The following GRID1 variants were observed in gnomAD, a reference collection of about 807,000 sequenced individuals.
GRID1 encodes glutamate receptor ionotropic, delta-1.
A neutral mutation model predicts 98.0 loss-of-function variants in GRID1; 28 were observed. That is an observed-to-expected ratio of 0.29 (90% CI 0.21 to 0.39). The LOEUF (loss-of-function observed/expected upper bound fraction) is 0.39, where lower values mean the gene tolerates loss of function less well. Among genes scored for constraint, GRID1 ranks in the 10% least tolerant of loss-of-function variants. The pLI, the probability that GRID1 is intolerant of heterozygous loss-of-function variation, is 1.00. For missense variants in GRID1, 1,111 were observed against 1,340.5 expected, an observed-to-expected ratio of 0.83 and a Z score of 2.67; for synonymous variants, 553 against 538.5, an observed-to-expected ratio of 1.03 and a Z score of -0.37.
intron 4 of GRID1, among the ~76,000 whole-genome samples, chr10:86,045,498 CGT>C: frequency 6.6e-6 from 1 of 152,140 alleles, no homozygotes; most frequent in South Asian, 2.1e-4. Context: ...AGACGAGTCA[CGT>C]CAGTCCTCAG....
chr10:85,932,739 A>G (rs1408836357), intron 4 of GRID1, among the ~76,000 whole-genome samples: 1 of 152,218 alleles, frequency 6.6e-6, no homozygotes, highest in African/African-American at 2.4e-5. Context: ...CTTTTCCTTA[A>G]GCTAACTAGA....
At chr10:85,746,167 A>G (rs1841994768) in intron 8 of GRID1, among the ~76,000 whole-genome samples, 1 of 152,116 alleles carries the variant, frequency 6.6e-6, no homozygotes, top group South Asian at 2.1e-4. Flanking sequence ...ACTTGGGGAG[A>G]TGTATCCAAG....
At chr10:85,612,341 C>G (rs1372236780) in intron 15 of GRID1, among the ~76,000 whole-genome samples, 1 of 152,210 alleles carries the variant, frequency 6.6e-6, no homozygotes, top group African/African-American at 2.4e-5. Flanking sequence ...CTCCTCCTGG[C>G]TGTTTTTCTT....
chr10:85,999,891 C>T (rs927405154), intron 4 of GRID1, among the ~76,000 whole-genome samples: 2 of 152,174 alleles, frequency 1.3e-5, no homozygotes, highest in African/African-American at 2.4e-5. Context: ...AGATTTAAAG[C>T]TTTCCCCCAC....
At chr10:86,156,630 G>C (rs896005705) in intron 3 of GRID1, among the ~76,000 whole-genome samples, 1 of 152,240 alleles carries the variant, frequency 6.6e-6, no homozygotes, top group Non-Finnish European at 1.5e-5. Context: ...GTGAGTTTCT[G>C]TCACCCATTG....
At chr10:86,022,925 AAAAAAAAGATT>A (rs898152502) in intron 4 of GRID1, among the ~76,000 whole-genome samples, 2 of 151,878 alleles carry the variant, frequency 1.3e-5, no homozygotes, top group African/African-American at 2.4e-5. Flanking sequence ...CTCAAAAAAA[AAAAAAAAGATT>A]AAAAAAATTC....
intron 2 of GRID1, among the ~76,000 whole-genome samples, chr10:86,341,440 T>C (rs1353772227): frequency 6.6e-6 from 1 of 152,010 alleles, no homozygotes; most frequent in Non-Finnish European, 1.5e-5. Flanking sequence ...AAGGGCCCGC[T>C]TAGGGAAATG....
chr10:86,339,241 G>A (rs555887785), intron 2 of GRID1, among the ~76,000 whole-genome samples: 2 of 152,346 alleles, frequency 1.3e-5, no homozygotes, highest in African/African-American at 2.4e-5. Context: ...CTGCACTTTC[G>A]AGAAACATCT....
intron 4 of GRID1, among the ~76,000 whole-genome samples, chr10:85,932,129 G>A (rs1841862308): frequency 6.6e-6 from 1 of 152,170 alleles, no homozygotes; most frequent in Non-Finnish European, 1.5e-5. Flanking sequence ...GGCAGAACCA[G>A]GCTCACCCCA....
chr10:86,173,662 T>C (rs1013827478), intron 3 of GRID1, among the ~76,000 whole-genome samples: 39 of 151,886 alleles, frequency 2.6e-4, no homozygotes, highest in African/African-American at 9.2e-4. Flanking sequence ...GCCATGCTGG[T>C]GTGCTGCACC....
chr10:85,806,745 A>G lies in GRID1; in HGVS notation c.1233+47751T>C, dbSNP rs543013974. ...GTATGTTCTAGAATAGATAATATTT[A>G]TAGTGACAGAAATCAAAAACTTGCC... On this transcript the variant is annotated intron_variant, in intron 8 of 15. Coordinates refer to ENST00000327946, the MANE Select transcript of GRID1 (RefSeq NM_017551.3). 4.6e-4 allele frequency among the ~76,000 whole-genome samples: 70 copies of G among 152,330 alleles called. 1 individual carries two copies. The South Asian group carries it at 5.0e-3, about 11-fold the overall frequency.
At chr10:86,337,910 G>A (rs796848930) in intron 2 of GRID1, among the ~76,000 whole-genome samples, 2 of 152,130 alleles carry the variant, frequency 1.3e-5, no homozygotes, top group African/African-American at 4.8e-5. Flanking sequence ...GTTTCGCCAT[G>A]TTGGCCAGGC....
chr10:85,941,855 G>T (rs533287014), intron 4 of GRID1, among the ~76,000 whole-genome samples: 1 of 152,170 alleles, frequency 6.6e-6, no homozygotes, highest in Non-Finnish European at 1.5e-5. Flanking sequence ...GTGAGATCAG[G>T]CAAATAAGAA....
At chr10:85,690,112 G>C (rs1291980089) in intron 12 of GRID1, among the ~76,000 whole-genome samples, 1 of 152,016 alleles carries the variant, frequency 6.6e-6, no homozygotes, top group Non-Finnish European at 1.5e-5. Flanking sequence ...ACATCTATTT[G>C]AACTGGCTAT....
At chr10:85,985,247 G>A (rs191070109) in intron 4 of GRID1, among the ~76,000 whole-genome samples, 8 of 152,210 alleles carry the variant, frequency 5.3e-5, no homozygotes, top group African/African-American at 1.7e-4. Flanking sequence ...CTCGGAGAGG[G>A]TTCATTGACT....
At chr10:85,717,292 C>T (rs956485010) in intron 12 of GRID1, among the ~76,000 whole-genome samples, 2 of 151,498 alleles carry the variant, frequency 1.3e-5, no homozygotes, top group African/African-American at 4.9e-5. Flanking sequence ...TTTCATGCTG[C>T]TGATAAAGAC....
intron 8 of GRID1, among the ~76,000 whole-genome samples, chr10:85,742,044 C>G (rs1841949088): frequency 6.6e-6 from 1 of 152,286 alleles, no homozygotes; most frequent in East Asian, 1.9e-4. Context: ...TATTTTTAAA[C>G]ACAAGACCTT....
intron 5 of GRID1, among the ~76,000 whole-genome samples, chr10:85,880,707 T>G (rs1840994336): frequency 6.6e-6 from 1 of 152,046 alleles, no homozygotes. Context: ...CTTTGAAAAC[T>G]GGCACAAGAC....
chr10:86,241,460 C>T (rs770761565), intron 2 of GRID1, among the ~76,000 whole-genome samples: 3 of 152,228 alleles, frequency 2.0e-5, no homozygotes, highest in Non-Finnish European at 2.9e-5. Flanking sequence ...CCCTGCCAAA[C>T]GAGCACCACC....
Sources: gnomAD v4.1 joint callset for allele counts (sites outside exome capture counted in the v4.1 genomes callset) on GRCh38, gnomAD v4.1.1 for gene constraint, MANE v1.5 for transcripts, NCBI Gene and HGNC (gene_info 2026-07-23, HGNC 2026-07-21) for gene names.